Variants in RAB22A observed in about 807,000 individuals in gnomAD.
RAB22A encodes ras-related protein Rab-22A.
Under a neutral mutation model 30.2 loss-of-function variants are expected in RAB22A, and 13 were observed. That is an observed-to-expected ratio of 0.43 (90% CI 0.28 to 0.68). The LOEUF (loss-of-function observed/expected upper bound fraction) is 0.68. Ranked by LOEUF, RAB22A falls within the 30% of genes least tolerant of loss-of-function variation. The probability of loss-of-function intolerance (pLI) is 0.18; values close to 1 mark genes in which losing one functional copy is unlikely to be tolerated. For missense variants in RAB22A, 177 were observed against 246.8 expected (o/e 0.72, Z 1.89); for synonymous variants, 89 against 87.2 (o/e 1.02, Z -0.11).
At chr20:58,325,458 G>A (rs1986552138) in intron 2 of RAB22A, among the ~76,000 whole-genome samples, 1 of 152,018 alleles carries the variant, frequency 6.6e-6, no homozygotes, top group South Asian at 2.1e-4. Flanking sequence ...GCCTGGGTGA[G>A]AGAGTGAGAC....
chr20:58,328,805 A>G (rs985667889), intron 2 of RAB22A, among the ~76,000 whole-genome samples: 1 of 152,048 alleles, frequency 6.6e-6, no homozygotes, highest in African/African-American at 2.4e-5. Flanking sequence ...CCTACCTACT[A>G]GCAACTCTTG....
chr20:58,361,413 T>G lies in RAB22A; in HGVS notation c.*1710T>G, dbSNP rs887015165. ...TTGTATATCTTAAGCATTTGGAATT[T>G]TTTTTATCTTCTGAAATCATATAAA... On this transcript the variant is annotated 3_prime_UTR_variant, in exon 7 of 7. Transcript: ENST00000244040. 1.3e-5 allele frequency: 2 copies of G among 152,256 alleles called. No homozygotes were observed. The highest frequency in any genetic ancestry group is 2.9e-5 in the Non-Finnish European group (2 of 68,036). The allele number at this position is 152,256 out of a possible 1,614,324, so 9.4% of individuals were successfully genotyped here. A position where few individuals can be genotyped will look rare whatever the true frequency, so the allele number is the denominator to read the frequency against.
At chr20:58,339,732 G>A (rs1986823091) in intron 2 of RAB22A, among the ~76,000 whole-genome samples, 1 of 152,188 alleles carries the variant, frequency 6.6e-6, no homozygotes. Flanking sequence ...ATTTGTGGGG[G>A]TAGAGTGGAA....
intron 6 of RAB22A, among the ~76,000 whole-genome samples, chr20:58,354,586 G>C (rs485071): frequency 0.12 from 18,991 of 152,152 alleles, 1,527 homozygotes; most frequent in Non-Finnish European, 0.18. Context: ...TGAACAAAAT[G>C]AATAAAGGGA....
chr20:58,312,852 C>G (rs1765162038), intron 2 of RAB22A, among the ~76,000 whole-genome samples: 1 of 152,080 alleles, frequency 6.6e-6, no homozygotes, highest in African/African-American at 2.4e-5. Context: ...GGATGAAATT[C>G]ACCAATAAGT....
intron 2 of RAB22A, among the ~76,000 whole-genome samples, chr20:58,328,636 T>C (rs1445480807): frequency 2.6e-5 from 4 of 152,194 alleles, no homozygotes; most frequent in African/African-American, 9.6e-5. Flanking sequence ...CATTGTGTTG[T>C]GGATGCCCTC....
intron 2 of RAB22A, among the ~76,000 whole-genome samples, chr20:58,340,015 G>A (rs1986828497): frequency 1.3e-5 from 2 of 152,274 alleles, no homozygotes; most frequent in East Asian, 3.9e-4. Flanking sequence ...TCCTAATGCT[G>A]AGGAGGAAGT....
At chr20:58,355,320 C>T (rs1300179400) in intron 6 of RAB22A, among the ~76,000 whole-genome samples, 1 of 152,236 alleles carries the variant, frequency 6.6e-6, no homozygotes, top group South Asian at 2.1e-4. Flanking sequence ...CCAGCTCCAT[C>T]AGCTGGGGCC....
chr20:58,354,197 T>C lies in RAB22A; in HGVS notation c.419T>C (p.Ile140Thr). 1 of 1,613,906 alleles carries C rather than the reference T, an allele frequency of 6.2e-7. No homozygotes were observed. The highest frequency in any genetic ancestry group is 8.5e-7 in the Non-Finnish European group (1 of 1,179,832). Reference sequence around the variant, plus strand: ...GATGCAAAGGACTACGCCGACTCTATTCATGCAATTTTTGTAGAGACCAGC... The same window carrying C: ...GATGCAAAGGACTACGCCGACTCTACTCATGCAATTTTTGTAGAGACCAGC... ...ERDAKDYADSIHAIFVETSAK... is the reference protein window; with the variant it reads ...ERDAKDYADSTHAIFVETSAK... Residue 140 changes from isoleucine to threonine, a missense_variant, in exon 6 of 7, where the codon ATT (isoleucine) becomes ACT (threonine). Ile to Thr is a moderately conservative substitution (Grantham distance 89, BLOSUM62 -1). Transcript: ENST00000244040.
At chr20:58,314,563 G>A (rs899901108) in intron 2 of RAB22A, among the ~76,000 whole-genome samples, 6 of 152,136 alleles carry the variant, frequency 3.9e-5, no homozygotes, top group African/African-American at 1.4e-4. Flanking sequence ...AAAGTTGGCT[G>A]TGCACGGTGG....
At chr20:58,323,936 TAGGTC>T (rs1468258981) in intron 2 of RAB22A, among the ~76,000 whole-genome samples, 10 of 152,312 alleles carry the variant, frequency 6.6e-5, no homozygotes, top group African/African-American at 2.2e-4. Flanking sequence ...TAAATACACT[TAGGTC>T]AGGACATGTT....
chr20:58,359,769 G>A lies in RAB22A; in HGVS notation c.*66G>A. ...TCCTGAAAGTTAACAGGAGGGCTGG[G>A]GTCCCTGCCACCAGTTTTCACCTAG... On this transcript the variant is annotated 3_prime_UTR_variant, in exon 7 of 7. Coordinates refer to ENST00000244040, the MANE Select transcript of RAB22A (RefSeq NM_020673.3). 7.0e-7 allele frequency: 1 copy of A among 1,434,020 alleles called. No individual in the cohort carries two copies. Among genetic ancestry groups the A allele is most frequent in the Non-Finnish European group, 9.7e-7 (1 of 1,033,058 alleles). 88.8% of individuals were successfully genotyped at this position (1,434,020 alleles called of 1,614,324 possible).
intron 2 of RAB22A, among the ~76,000 whole-genome samples, chr20:58,324,865 CAAAAAAA>C (rs35375006): frequency 2.0e-4 from 6 of 29,762 alleles, no homozygotes; most frequent in African/African-American, 7.9e-4. Flanking sequence ...GACTCCGTCT[CAAAAAAA>C]AAAAAAAAAA....
At position 58,311,008 on chromosome 20, in the gene RAB22A, A is replaced by C. The variant is rs368177340; in HGVS notation, c.37-35A>C. ...GTTTTTGGTGTCTGCCAAAAGGTAA[A>C]CTTTTTCTCAGTCCCTCATCTCGTT... On this transcript the variant is annotated intron_variant, in intron 1 of 6. Coordinates refer to ENST00000244040, the MANE Select transcript of RAB22A (RefSeq NM_020673.3). 2.0e-4 allele frequency: 304 copies of C among 1,538,604 alleles called. 2 individuals carry two copies. The South Asian group carries it at 2.6e-3, about 13-fold the overall frequency.
At position 58,337,870 on chromosome 20, in the gene RAB22A, A is replaced by C. The variant is rs1986785915; in HGVS notation, c.117-5848A>C. Among the ~76,000 whole-genome samples the C allele has an allele frequency of 3.3e-5, 5 of 152,214 alleles. No homozygotes were observed. In the South Asian group the frequency reaches 1.0e-3, roughly 32 times the overall value. ...CACAGTAGAGGGATTCAGTTGGGTCACATGTGAAATCATTAGAAGAGTGTC... is the reference window on the plus strand; with the variant it reads ...CACAGTAGAGGGATTCAGTTGGGTCCCATGTGAAATCATTAGAAGAGTGTC... On this transcript the variant is annotated intron_variant, in intron 2 of 6. Transcript: ENST00000244040.
At chr20:58,356,412 C>G (rs1987130574) in intron 6 of RAB22A, among the ~76,000 whole-genome samples, 1 of 151,798 alleles carries the variant, frequency 6.6e-6, no homozygotes, top group Non-Finnish European at 1.5e-5. Context: ...AAAACAAAAC[C>G]TATATGTTCA....
chr20:58,312,175 G>C (rs6015248), intron 2 of RAB22A, among the ~76,000 whole-genome samples: 2 of 151,894 alleles, frequency 1.3e-5, no homozygotes, highest in Non-Finnish European at 2.9e-5. Flanking sequence ...TGCTGGTCTC[G>C]AACTCCTAAC....
chr20:58,313,022 G>A (rs1314564970), intron 2 of RAB22A, among the ~76,000 whole-genome samples: 2 of 152,206 alleles, frequency 1.3e-5, no homozygotes, highest in African/African-American at 4.8e-5. Flanking sequence ...TTCAGTGAGT[G>A]ATACACTTCA....
intron 2 of RAB22A, among the ~76,000 whole-genome samples, chr20:58,341,694 T>C (rs896071941): frequency 1.3e-5 from 2 of 152,216 alleles, no homozygotes; most frequent in African/African-American, 4.8e-5. Context: ...TTTTGTCTTT[T>C]ATCTGACTCA....
Sources: gnomAD v4.1 joint callset for allele counts (sites outside exome capture counted in the v4.1 genomes callset) on GRCh38, gnomAD v4.1.1 for gene constraint, MANE v1.5 for transcripts, NCBI Gene and HGNC (gene_info 2026-07-23, HGNC 2026-07-21) for gene names.